Variants in DISP3 observed in about 807,000 individuals in gnomAD.
DISP3 encodes dispatched RND transporter family member 3.
In DISP3, 101 loss-of-function variants were observed where a neutral mutation model predicts 135.3. That is an observed-to-expected ratio of 0.75 (90% CI 0.64 to 0.88). DISP3 has a LOEUF of 0.88. Ranked by LOEUF, DISP3 falls within the 40% of genes least tolerant of loss-of-function variation. The probability of loss-of-function intolerance (pLI) is 0.00; values close to 1 mark genes in which losing one functional copy is unlikely to be tolerated. For missense variants in DISP3, 1,713 were observed against 1,878.6 expected, an observed-to-expected ratio of 0.91 and a Z score of 1.63; for synonymous variants, 856 against 817.0, an observed-to-expected ratio of 1.05 and a Z score of -0.81.
Position 11,531,966 on chromosome 1 carries a change from C to G in DISP3, c.3375+256C>G, listed in dbSNP as rs1194157335. On this transcript the variant is annotated intron_variant, in intron 17 of 20. Coordinates refer to ENST00000294484, the MANE Select transcript of DISP3 (RefSeq NM_020780.2). The surrounding 1 kb of genome is among the most constrained non-coding windows in gnomAD (Gnocchi z 5.2). ...CACCCACCTTTCCCCTTCCCTCCCT[C>G]TCCACCAACTGGGGGTCCACGGTAT... Among the ~76,000 whole-genome samples the G allele has an allele frequency of 6.6e-6, 1 of 152,228 alleles. No individual in the cohort carries two copies. The highest frequency in any genetic ancestry group is 1.5e-5 in the Non-Finnish European group (1 of 68,038).
At chr1:11,526,611 C>A (rs200566613) in intron 12 of DISP3, 40 bp from the exon 13 acceptor site, 7 of 1,591,702 alleles carry the variant, frequency 4.4e-6, no homozygotes, top group Non-Finnish European at 6.0e-6. Flanking sequence ...AGGCAGCCCC[C>A]CCGAGTCATG....
At chr1:11,485,086 A>T (rs528479298) in intron 1 of DISP3, among the ~76,000 whole-genome samples, 6 of 152,180 alleles carry the variant, frequency 3.9e-5, no homozygotes, top group African/African-American at 1.4e-4. Context: ...GTCCCTGTAG[A>T]GCTCATCAGA....
intron 15 of DISP3, among the ~76,000 whole-genome samples, 183 bp downstream of exon 15, chr1:11,530,142 C>T (rs560861920): frequency 6.6e-6 from 1 of 152,166 alleles, no homozygotes; most frequent in Non-Finnish European, 1.5e-5. Context: ...GACTCAATGG[C>T]GTTGACCTCT....
chr1:11,536,177 C>T lies in DISP3; in HGVS notation c.3817-147C>T. ...CATAGCAACACCTACCTGGTTCCTA[C>T]CCTCCCAACCCTGGGAGGCCACTTG... On this transcript the variant is annotated intron_variant, in intron 20 of 20. Transcript: ENST00000294484. This position sits in a 1 kb window ranked among gnomAD's most constrained non-coding sequence, Gnocchi z 4.3. 2 of 1,189,312 alleles carry T rather than the reference C, an allele frequency of 1.7e-6. No individual in the cohort carries two copies. The highest frequency in any genetic ancestry group is 2.3e-6 in the Non-Finnish European group (2 of 874,676). The allele number at this position is 1,189,312 out of a possible 1,614,324, so 73.7% of individuals were successfully genotyped here. A position where few individuals can be genotyped will look rare whatever the true frequency, so the allele number is the denominator to read the frequency against.
chr1:11,506,865 G>GTAA (rs1641719047), intron 3 of DISP3, among the ~76,000 whole-genome samples: 1 of 152,144 alleles, frequency 6.6e-6, no homozygotes, highest in Non-Finnish European at 1.5e-5. Flanking sequence ...GCAGTGGCAT[G>GTAA]GTTATAGCTC....
chr1:11,501,534 G>C lies in DISP3; in HGVS notation c.542G>C (p.Gly181Ala). ...APRVIPAASL[G>A]GPGPYRDTSA... ...CGCGTCATCCCCGCGGCCTCACTCGGTGGCCCAGGCCCTTACCGGGACACT... is the reference window on the plus strand; with the variant it reads ...CGCGTCATCCCCGCGGCCTCACTCGCTGGCCCAGGCCCTTACCGGGACACT... The change falls in exon 2 of 21, where the codon GGT (glycine) becomes GCT (alanine). Residue 181 changes from glycine (G) to alanine (A), a missense_variant. By Grantham distance (60) the Gly-to-Ala change is moderately conservative. This residue lies in a region of DISP3 where 571 missense variants were observed against 494.1 expected (regional missense o/e 1.16). Coordinates refer to ENST00000294484, the MANE Select transcript of DISP3 (RefSeq NM_020780.2). This position sits in a 1 kb window ranked among gnomAD's most constrained non-coding sequence, Gnocchi z 4.9. 6.3e-7 allele frequency: 1 copy of C among 1,599,556 alleles called. No homozygotes were observed. Among genetic ancestry groups the C allele is most frequent in the Non-Finnish European group, 8.5e-7 (1 of 1,172,882 alleles).
chr1:11,484,727 C>G (rs899717350), intron 1 of DISP3, among the ~76,000 whole-genome samples: 1 of 152,148 alleles, frequency 6.6e-6, no homozygotes, highest in Admixed American at 6.5e-5. Flanking sequence ...TATGGTGTTT[C>G]TGTATACAGT....
At chr1:11,480,304 CCGCGCACACCCACAGTCCA>C (rs1263886121) in intron 1 of DISP3, among the ~76,000 whole-genome samples, 1 of 152,114 alleles carries the variant, frequency 6.6e-6, no homozygotes, top group African/African-American at 2.4e-5. Context: ...ACTCAGAAGC[CCGCGCACACCCACAGTCCA>C]CGCGCACACT....
Position 11,519,121 on chromosome 1 carries a change from T to A in DISP3, c.1890-234T>A, listed in dbSNP as rs188680889. 6.4e-4 allele frequency among the ~76,000 whole-genome samples: 97 copies of A among 152,216 alleles called. 3 individuals carry two copies. Among genetic ancestry groups the A allele is most frequent in the African/African-American group, 2.2e-3 (93 of 41,522 alleles). ...GTTGTCATCCCCTCTTCCTGGGTAA[T>A]GTTTGCTGTCACCATTTGTCTCTCT... On this transcript the variant is annotated intron_variant, in intron 7 of 20. Transcript: ENST00000294484. This position sits in a 1 kb window ranked among gnomAD's most constrained non-coding sequence, Gnocchi z 4.3.
intron 3 of DISP3, among the ~76,000 whole-genome samples, chr1:11,509,652 T>G (rs1292792595): frequency 6.6e-6 from 1 of 152,282 alleles, no homozygotes; most frequent in East Asian, 1.9e-4. Flanking sequence ...CCTAGTTATA[T>G]TCTTTCCTCT....
Position 11,527,286 on chromosome 1 carries a change from C to T in DISP3, c.2798+451C>T, listed in dbSNP as rs950529180. ...AGAAACTGCTGGCCAGGTGCGGTGG[C>T]TCATGCCTGTAATCCCACCTCGGGA... is the stretch of plus-strand genomic sequence containing the variant. On this transcript the variant is annotated intron_variant, in intron 13 of 20. Transcript: ENST00000294484. 3.3e-5 allele frequency among the ~76,000 whole-genome samples: 5 copies of T among 152,116 alleles called. No individual in the cohort carries two copies. The South Asian group carries it at 1.0e-3, about 32-fold the overall frequency.
chr1:11,530,278 T>A (rs1412482485), intron 15 of DISP3, among the ~76,000 whole-genome samples: 1 of 152,170 alleles, frequency 6.6e-6, no homozygotes, highest in African/African-American at 2.4e-5. Flanking sequence ...TCCTCTGAGC[T>A]CGGCCGTGGC....
Position 11,501,280 on chromosome 1 carries a change from C to G in DISP3, c.288C>G (p.Tyr96Ter). ...MALSAFMFLY[Y>*]PPLDIDISYN... ...TGTCAGCCTTCATGTTCCTTTACTA[C>G]CCACCGCTGGACATTGACATCTCCT... The change falls in exon 2 of 21, where the codon TAC becomes TAG. Residue 96 changes from tyrosine (Y) to a stop codon, truncating the protein, a stop_gained. Coordinates refer to ENST00000294484, the MANE Select transcript of DISP3 (RefSeq NM_020780.2). LOFTEE classifies it high-confidence loss of function. This position sits in a 1 kb window ranked among gnomAD's most constrained non-coding sequence, Gnocchi z 4.9. The G allele has an allele frequency of 1.2e-6, 2 of 1,614,164 alleles. No homozygotes were observed. Among genetic ancestry groups the G allele is most frequent in the Non-Finnish European group, 1.7e-6 (2 of 1,180,040 alleles).
intron 17 of DISP3, chr1:11,533,830 G>A (rs1002600528): frequency 4.2e-6 from 3 of 717,730 alleles, no homozygotes; most frequent in Non-Finnish European, 7.8e-6. Context: ...AGAGCAGGGT[G>A]AGTGCCTATT....
chr1:11,512,866 G>A (rs568428864), intron 3 of DISP3, among the ~76,000 whole-genome samples: 90 of 152,278 alleles, frequency 5.9e-4, no homozygotes, highest in African/African-American at 1.9e-3. Flanking sequence ...ATCATGGCAG[G>A]AGGCAAAAGG....
intron 4 of DISP3, 103 bp from the exon 5 acceptor site, chr1:11,515,266 T>C (rs1158932941): frequency 2.1e-6 from 3 of 1,439,516 alleles, no homozygotes; most frequent in Non-Finnish European, 2.8e-6. Context: ...GTGACCAGGG[T>C]TGGGGAGAAG....
In DISP3 at chr1:11,520,640, G is replaced by A. The variant is rs1642158267; in HGVS notation, c.2201-47G>A. ...GCACTTTGGAGCCCCACTGGGAACA[G>A]ACCAGCTGGGCCCAGCCCCGCCTGG... is the stretch of plus-strand genomic sequence containing the variant. On this transcript the variant is annotated intron_variant, in intron 9 of 20. Transcript: ENST00000294484. The surrounding 1 kb of genome is among the most constrained non-coding windows in gnomAD (Gnocchi z 4.8). 4 of 1,592,138 alleles carry A rather than the reference G, an allele frequency of 2.5e-6. No individual in the cohort carries two copies. The highest frequency in any genetic ancestry group is 3.4e-6 in the Non-Finnish European group (4 of 1,166,438).
chr1:11,525,092 A>G, intron 11 of DISP3, 84 bp from the exon 12 acceptor site: 1 of 1,524,168 alleles, frequency 6.6e-7, no homozygotes, highest in Non-Finnish European at 9.0e-7. Context: ...GTTAGTCGAC[A>G]GAGCTGAGGG....
rs373039803 is a variant in DISP3 at position 11,519,433 on chromosome 1, C to T, written c.1968C>T (p.Gly656=). 5.5e-5 allele frequency: 89 copies of T among 1,613,684 alleles called. 1 individual carries two copies. In the South Asian group the frequency reaches 9.2e-4, roughly 17 times the overall value. ...DVFAAPEQVG[G]SPAQGPIPYL... ...TTGCCGCTCCCGAGCAGGTTGGAGG[C>T]AGCCCTGCCCAGGGCCCCATACCCT... Residue 656 remains glycine, a synonymous_variant, in exon 8 of 21, where the codon GGC becomes GGT. Coordinates refer to ENST00000294484, the MANE Select transcript of DISP3 (RefSeq NM_020780.2). The surrounding 1 kb of genome is among the most constrained non-coding windows in gnomAD (Gnocchi z 4.3).
Sources: allele counts gnomAD v4.1 joint callset (sites outside exome capture counted in the v4.1 genomes callset), GRCh38; gene constraint gnomAD v4.1.1; regional missense constraint gnomAD v4.1.1; non-coding constraint Gnocchi (gnomAD v3.1); transcripts MANE v1.5; gene names NCBI Gene and HGNC (gene_info 2026-07-23, HGNC 2026-07-21).